LRP1B: variants seen among roughly 807,000 people sequenced by gnomAD.
LRP1B encodes the protein LDL receptor related protein 1B, also known as low-density lipoprotein receptor-related protein 1B.
LRP1B carries 217 observed loss-of-function variants against 556.6 expected under a neutral mutation model. That is an observed-to-expected ratio of 0.39 (90% CI 0.35 to 0.44). The LOEUF (loss-of-function observed/expected upper bound fraction) is 0.44. Among genes scored for constraint, LRP1B ranks in the 20% least tolerant of loss-of-function variants. The probability of loss-of-function intolerance (pLI) is 1.00; values close to 1 mark genes in which losing one functional copy is unlikely to be tolerated. For missense variants in LRP1B, 5,053 were observed against 5,620.8 expected, an observed-to-expected ratio of 0.90 and a Z score of 3.23; for synonymous variants, 2,047 against 1,865.8, an observed-to-expected ratio of 1.10 and a Z score of -2.50.
chr2:141,074,625 A>T (rs1482039258), intron 7 of LRP1B, among the ~76,000 whole-genome samples: 2 of 70,782 alleles, frequency 2.8e-5, no homozygotes, highest in African/African-American at 8.7e-5. Flanking sequence ...TATATATATA[A>T]AACACATATA....
At chr2:141,294,626 G>C (rs1573767069) in intron 3 of LRP1B, among the ~76,000 whole-genome samples, 1 of 151,410 alleles carries the variant, frequency 6.6e-6, no homozygotes, top group African/African-American at 2.4e-5. Context: ...TGTAGTCCCA[G>C]TTATTTAAAA....
chr2:141,965,765 T>A, intron 1 of LRP1B, among the ~76,000 whole-genome samples: 1 of 106,238 alleles, frequency 9.4e-6, no homozygotes, highest in Admixed American at 1.0e-4. Flanking sequence ...ATAATAATAA[T>A]AGTAATAATA....
intron 20 of LRP1B, among the ~76,000 whole-genome samples, chr2:140,947,595 T>G (rs2105295435): frequency 6.6e-6 from 1 of 152,342 alleles, no homozygotes; most frequent in East Asian, 1.9e-4. Flanking sequence ...GCTGATCAGC[T>G]TTAACAATCT....
At chr2:141,622,991 T>G (rs1043754670) in intron 2 of LRP1B, among the ~76,000 whole-genome samples, 2 of 152,218 alleles carry the variant, frequency 1.3e-5, no homozygotes, top group African/African-American at 4.8e-5. Flanking sequence ...TGATGCTGAT[T>G]ATCAGCATAA....
At chr2:140,341,390 C>T (rs1681382586) in intron 77 of LRP1B, among the ~76,000 whole-genome samples, 1 of 151,454 alleles carries the variant, frequency 6.6e-6, no homozygotes, top group African/African-American at 2.4e-5. Context: ...ATAAAATTAA[C>T]ATTCTTCAGT....
At chr2:141,513,314 A>C (rs10191434) in intron 2 of LRP1B, among the ~76,000 whole-genome samples, 148,134 of 152,068 alleles carry the variant, frequency 0.97, 72,265 homozygotes, top group East Asian at 1. Context: ...CTTGGCTTTT[A>C]TAGAAATTAA....
At chr2:140,270,178 A>G in intron 86 of LRP1B, 64 bp downstream of exon 86, 1 of 1,125,332 alleles carries the variant, frequency 8.9e-7, no homozygotes, top group South Asian at 1.2e-5. Flanking sequence ...GAATAATAGA[A>G]CAGGGATTTC....
intron 66 of LRP1B, among the ~76,000 whole-genome samples, chr2:140,425,989 A>T (rs1685635473): frequency 6.8e-6 from 1 of 148,048 alleles, no homozygotes; most frequent in Non-Finnish European, 1.5e-5. Flanking sequence ...AATTTGTTAA[A>T]TAAAGAAATT....
At chr2:141,347,756 A>G (rs1688305150) in intron 3 of LRP1B, among the ~76,000 whole-genome samples, 1 of 152,016 alleles carries the variant, frequency 6.6e-6, no homozygotes. Flanking sequence ...AGCTACTAAT[A>G]TTTTCATCAA....
intron 3 of LRP1B, among the ~76,000 whole-genome samples, chr2:141,421,717 G>T (rs1680151237): frequency 1.3e-5 from 2 of 151,924 alleles, no homozygotes; most frequent in African/African-American, 4.8e-5. Context: ...CTAAGCTTAA[G>T]ATTAAGTGTC....
chr2:141,241,155 T>A (rs1372174816), intron 5 of LRP1B, among the ~76,000 whole-genome samples: 1 of 152,102 alleles, frequency 6.6e-6, no homozygotes, highest in East Asian at 1.9e-4. Context: ...AAAAATTCCA[T>A]CAGAAATCCT....
At chr2:140,541,565 T>G (rs971747062) in intron 44 of LRP1B, among the ~76,000 whole-genome samples, 20 of 152,120 alleles carry the variant, frequency 1.3e-4, no homozygotes, top group African/African-American at 4.8e-4. Context: ...GAAGTTGCCT[T>G]GAATATTTCA....
intron 2 of LRP1B, among the ~76,000 whole-genome samples, chr2:141,713,188 T>G (rs940528919): frequency 4.0e-5 from 6 of 151,826 alleles, no homozygotes; most frequent in Non-Finnish European, 7.4e-5. Context: ...ATGCCTGGAC[T>G]TCATTGTGAA....
At chr2:141,055,467 A>T (rs1699154119) in intron 9 of LRP1B, among the ~76,000 whole-genome samples, 1 of 151,572 alleles carries the variant, frequency 6.6e-6, no homozygotes, top group African/African-American at 2.4e-5. Context: ...CTCCTAAGTG[A>T]GCATTTAAAA....
intron 3 of LRP1B, among the ~76,000 whole-genome samples, chr2:141,463,587 T>C (rs1573972956): frequency 1.0e-5 from 1 of 99,074 alleles, no homozygotes; most frequent in East Asian, 2.3e-4. Context: ...TATAATTATA[T>C]ATAATATATA....
rs549623872 is a variant in LRP1B, at chr2:141,700,557, T to C, written c.205+109722A>G. ...CACACCTCTGGGCCTCAGAAAACAATAGCCCAAAGTGAAGGCCTCAGAAGC... is the reference window on the plus strand; with the variant it reads ...CACACCTCTGGGCCTCAGAAAACAACAGCCCAAAGTGAAGGCCTCAGAAGC... On this transcript the variant is annotated intron_variant, in intron 2 of 90. Coordinates refer to ENST00000389484, the MANE Select transcript of LRP1B (RefSeq NM_018557.3). Among the ~76,000 whole-genome samples the C allele has an allele frequency of 1.1e-3, 164 of 151,868 alleles. 4 individuals are homozygous for C. The South Asian group carries it at 0.03, about 28-fold the overall frequency.
chr2:140,368,574 G>T (rs1337746626), intron 71 of LRP1B, among the ~76,000 whole-genome samples: 1 of 151,784 alleles, frequency 6.6e-6, no homozygotes, highest in African/African-American at 2.4e-5. Flanking sequence ...AAATGCAAAT[G>T]CTGCTTTTAA....
At chr2:140,818,183 T>C (rs1691195307) in intron 31 of LRP1B, among the ~76,000 whole-genome samples, 1 of 152,176 alleles carries the variant, frequency 6.6e-6, no homozygotes, top group Non-Finnish European at 1.5e-5. Context: ...GGTAGAGATG[T>C]AGATATGGGA....
At chr2:141,323,772 C>T (rs138374250) in intron 3 of LRP1B, among the ~76,000 whole-genome samples, 3 of 152,098 alleles carry the variant, frequency 2.0e-5, no homozygotes, top group African/African-American at 4.8e-5. Flanking sequence ...TGGAGCATTA[C>T]ATAACTTCTT....
Sources: allele counts gnomAD v4.1 joint callset (sites outside exome capture counted in the v4.1 genomes callset), GRCh38; gene constraint gnomAD v4.1.1; transcripts MANE v1.5; gene names NCBI Gene and HGNC (gene_info 2026-07-23, HGNC 2026-07-21).